Variants in THSD4 observed in about 807,000 individuals in gnomAD.
THSD4 encodes the protein thrombospondin type 1 domain containing 4.
A neutral mutation model predicts 119.0 loss-of-function variants in THSD4; 69 were observed. The observed-to-expected ratio is 0.58, with a 90% CI of 0.48 to 0.71. The LOEUF is 0.71. Among genes scored for constraint, THSD4 ranks in the 30% least tolerant of loss-of-function variants. THSD4 has a pLI of 0.00. For missense variants in THSD4, 1,393 were observed against 1,391.1 expected, an observed-to-expected ratio of 1.00 and a Z score of -0.02; for synonymous variants, 524 against 540.4, an observed-to-expected ratio of 0.97 and a Z score of 0.42.
intron 7 of THSD4, among the ~76,000 whole-genome samples, chr15:71,613,027 A>G (rs907648420): frequency 6.6e-6 from 1 of 152,210 alleles, no homozygotes; most frequent in Non-Finnish European, 1.5e-5. Flanking sequence ...TGCTTCCTTA[A>G]TTGAAAAGCA....
At chr15:71,676,104 A>G (rs1334555319) in intron 8 of THSD4, among the ~76,000 whole-genome samples, 1 of 152,226 alleles carries the variant, frequency 6.6e-6, no homozygotes, top group Non-Finnish European at 1.5e-5. Flanking sequence ...ACTAGCTTTT[A>G]AAAGAGTATC....
chr15:71,562,620 A>G (rs1317622234), intron 7 of THSD4, among the ~76,000 whole-genome samples: 2 of 151,456 alleles, frequency 1.3e-5, no homozygotes, highest in Non-Finnish European at 2.9e-5. Flanking sequence ...GTAATGTTAT[A>G]TCCGTTTCAC....
chr15:71,293,795 G>A lies in THSD4; in HGVS notation c.1015+37080G>A, dbSNP rs117324614. 6.7e-3 allele frequency among the ~76,000 whole-genome samples: 1,019 copies of A among 152,144 alleles called. 10 individuals are homozygous for A. The highest frequency in any genetic ancestry group is 0.02 in the Middle Eastern group (6 of 294). ...CCCTAACAGTAGGAAATTTAGTAGG[G>A]TTTTGGAAGGGAGAGGAGGTGTAAG... On this transcript the variant is annotated intron_variant, in intron 6 of 17. Transcript: ENST00000261862.
In THSD4 at chr15:71,426,217, A is replaced by G. The variant is rs151007086; in HGVS notation, c.1152+14394A>G. 2.6e-3 allele frequency among the ~76,000 whole-genome samples: 392 copies of G among 152,330 alleles called. 2 individuals carry two copies. Among genetic ancestry groups the G allele is most frequent in the African/African-American group, 9.3e-3 (386 of 41,574 alleles). On this transcript the variant is annotated intron_variant, in intron 7 of 17. Coordinates refer to ENST00000261862, the MANE Select transcript of THSD4 (RefSeq NM_024817.3). ...CCAGCTGGGACACCACTTGGCTTCC[A>G]TCGGGACACATTGGCAGACAGTTTC...
rs557130204 is a variant in THSD4 at position 71,600,314 on chromosome 15, T to G, written c.1153-60216T>G. ...TACATCTCCTCCAGGAAACCTTCTG[T>G]GATTTCTGCTATACTCCCCTTCTGA... On this transcript the variant is annotated intron_variant, in intron 7 of 17. Transcript: ENST00000261862. Among the ~76,000 whole-genome samples, 4 of 152,356 alleles carry G rather than the reference T, an allele frequency of 2.6e-5. 1 individual carries two copies. Among genetic ancestry groups the G allele is most frequent in the African/African-American group, 9.6e-5 (4 of 41,580 alleles).
chr15:71,522,389 C>G (rs1034264807), intron 7 of THSD4, among the ~76,000 whole-genome samples: 1 of 152,128 alleles, frequency 6.6e-6, no homozygotes, highest in Non-Finnish European at 1.5e-5. Context: ...GGGCTGCCTC[C>G]CCAGTCCAGG....
chr15:71,646,016 C>G (rs1239678428), intron 7 of THSD4, among the ~76,000 whole-genome samples: 1 of 152,198 alleles, frequency 6.6e-6, no homozygotes. Context: ...TTCCCTGTTT[C>G]AATCACTCCA....
chr15:71,533,671 T>C (rs980821641), intron 7 of THSD4, among the ~76,000 whole-genome samples: 1 of 152,172 alleles, frequency 6.6e-6, no homozygotes, highest in Non-Finnish European at 1.5e-5. Flanking sequence ...TCCGCTGATA[T>C]TGCCTGCTTA....
At chr15:71,364,365 A>G (rs2140424620) in intron 6 of THSD4, among the ~76,000 whole-genome samples, 1 of 152,350 alleles carries the variant, frequency 6.6e-6, no homozygotes, top group South Asian at 2.1e-4. Flanking sequence ...CACATATTTC[A>G]TTACTTAGCA....
chr15:71,729,105 G>A (rs949706521), intron 9 of THSD4: 2 of 247,148 alleles, frequency 8.1e-6, no homozygotes, highest in South Asian at 1.1e-4. Context: ...GAAAGCAAGA[G>A]CCTAAAGGAA....
intron 1 of THSD4, among the ~76,000 whole-genome samples, chr15:71,099,734 G>C (rs866729303): frequency 2.0e-5 from 3 of 152,194 alleles, no homozygotes; most frequent in African/African-American, 4.8e-5. Flanking sequence ...GGAGGCCAAG[G>C]GGGGCAGATC....
chr15:71,519,709 G>A (rs1299949579), intron 7 of THSD4, among the ~76,000 whole-genome samples: 1 of 152,214 alleles, frequency 6.6e-6, no homozygotes, highest in Admixed American at 6.5e-5. Context: ...ATGGAACAGA[G>A]TGTACAGTAG....
intron 8 of THSD4, among the ~76,000 whole-genome samples, chr15:71,720,979 A>C (rs1487260605): frequency 6.6e-6 from 1 of 152,246 alleles, no homozygotes; most frequent in Non-Finnish European, 1.5e-5. Context: ...ACAAACATTT[A>C]GATCATAGTC....
intron 7 of THSD4, among the ~76,000 whole-genome samples, chr15:71,451,278 T>C (rs1424744292): frequency 1.3e-5 from 2 of 152,158 alleles, no homozygotes; most frequent in Non-Finnish European, 2.9e-5. Flanking sequence ...GTTAGGCAGA[T>C]AAAAAGTCTG....
At chr15:71,208,666 C>T (rs1036029202) in intron 3 of THSD4, among the ~76,000 whole-genome samples, 1 of 152,052 alleles carries the variant, frequency 6.6e-6, no homozygotes, top group African/African-American at 2.4e-5. Context: ...CACCCACTAC[C>T]ATGCCCAGCT....
At chr15:71,141,144 G>T (rs944484204) in intron 1 of THSD4, among the ~76,000 whole-genome samples, 5 of 152,358 alleles carry the variant, frequency 3.3e-5, no homozygotes, top group African/African-American at 9.6e-5. Flanking sequence ...AATAGATGGG[G>T]CTGGATTTCC....
At chr15:71,401,101 CTCT>C (rs1452934984) in intron 6 of THSD4, among the ~76,000 whole-genome samples, 4 of 152,056 alleles carry the variant, frequency 2.6e-5, no homozygotes, top group African/African-American at 9.7e-5. Flanking sequence ...CTCCCAAAGT[CTCT>C]TCTTGGTGAC....
At chr15:71,139,631 A>G (rs1230475610) in intron 1 of THSD4, among the ~76,000 whole-genome samples, 1 of 152,204 alleles carries the variant, frequency 6.6e-6, no homozygotes, top group Non-Finnish European at 1.5e-5. Context: ...TACTTTCTTA[A>G]TAACCCGCAG....
chr15:71,133,934 G>T (rs631485), intron 1 of THSD4, among the ~76,000 whole-genome samples: 1 of 152,076 alleles, frequency 6.6e-6, no homozygotes, highest in African/African-American at 2.4e-5. Flanking sequence ...AGGTGAGGAC[G>T]GAGAAGCACG....
Sources: gnomAD v4.1 joint callset for allele counts (sites outside exome capture counted in the v4.1 genomes callset) on GRCh38, gnomAD v4.1.1 for gene constraint, MANE v1.5 for transcripts, NCBI Gene and HGNC (gene_info 2026-07-23, HGNC 2026-07-21) for gene names.